DENND5B: variants seen among roughly 807,000 people sequenced by gnomAD.
DENND5B encodes the protein DENN domain containing 5B.
DENND5B carries 34 observed loss-of-function variants against 140.6 expected under a neutral mutation model. That is an observed-to-expected ratio of 0.24 (90% CI 0.18 to 0.32). DENND5B has a LOEUF of 0.32. DENND5B is among the 10% of genes least tolerant of loss of function. The probability of loss-of-function intolerance (pLI) is 1.00; values close to 1 mark genes in which losing one functional copy is unlikely to be tolerated. For missense variants in DENND5B, 1,142 were observed against 1,560.2 expected (o/e 0.73, Z 4.52); for synonymous variants, 551 against 562.1 (o/e 0.98, Z 0.28).
At position 31,572,558 on chromosome 12, in the gene DENND5B, A is replaced by C. The variant is rs1464635757; in HGVS notation, c.127+18148T>G. ...CTTTCTCAAAAAAAAAAAAAAAAAA[A>C]AACTCACGAGTTATTAACACATAGC... On this transcript the variant is annotated intron_variant, in intron 1 of 20. Coordinates refer to ENST00000389082, the MANE Select transcript of DENND5B (RefSeq NM_144973.4). Among the ~76,000 whole-genome samples the C allele has an allele frequency of 2.3e-5, 3 of 131,124 alleles. No individual in the cohort carries two copies. In the East Asian group the frequency reaches 7.1e-4, roughly 31 times the overall value. 86.0% of individuals were successfully genotyped at this position (131,124 alleles called of 152,430 possible). A position where few individuals can be genotyped will look rare whatever the true frequency, so the allele number is the denominator to read the frequency against.
At chr12:31,519,360 A>T (rs1329157685) in intron 1 of DENND5B, among the ~76,000 whole-genome samples, 2 of 152,138 alleles carry the variant, frequency 1.3e-5, no homozygotes, top group African/African-American at 2.4e-5. Flanking sequence ...CAAGAAACAG[A>T]TGTGCATAAT....
intron 1 of DENND5B, among the ~76,000 whole-genome samples, chr12:31,517,919 G>C (rs979073972): frequency 2.0e-4 from 30 of 152,200 alleles, no homozygotes; most frequent in African/African-American, 7.2e-4. Context: ...CCTATAACTT[G>C]TTACCTGCAG....
Position 31,590,750 on chromosome 12 carries a change from C to A in DENND5B, c.83G>T (p.Cys28Phe). The A allele has an allele frequency of 6.8e-7, 1 of 1,468,764 alleles. No homozygotes were observed. Among genetic ancestry groups the A allele is most frequent in the Non-Finnish European group, 9.0e-7 (1 of 1,115,482 alleles). 91.0% of individuals were successfully genotyped at this position (1,468,764 alleles called of 1,614,324 possible). A position where few individuals can be genotyped will look rare whatever the true frequency, so the allele number is the denominator to read the frequency against. The change falls in exon 1 of 21, where the codon TGC (cysteine) becomes TTC (phenylalanine). Residue 28 changes from cysteine to phenylalanine, a missense_variant. Physicochemically the swap from Cys to Phe is radical, Grantham distance 205 (BLOSUM62 -2). Transcript: ENST00000389082. ...CAGCCCGCTGTCCGCGTCGATCCCG[C>A]ACAGCACGAAGTAGTGCGCGAAGCG... is the stretch of plus-strand genomic sequence containing the variant. ...ACRFAHYFVL[C>F]GIDADSGLEP...
intron 1 of DENND5B, among the ~76,000 whole-genome samples, chr12:31,512,983 A>T (rs1190208987): frequency 6.6e-6 from 1 of 152,150 alleles, no homozygotes; most frequent in African/African-American, 2.4e-5. Context: ...TGTGTTCAAG[A>T]ATCTCACCCA....
intron 13 of DENND5B, among the ~76,000 whole-genome samples, chr12:31,411,517 G>C (rs1445028292): frequency 6.6e-6 from 1 of 151,728 alleles, no homozygotes; most frequent in Non-Finnish European, 1.5e-5. Context: ...GCTAATTTTT[G>C]TATTTTTAGT....
chr12:31,390,045 C>A (rs1474925971), intron 19 of DENND5B, among the ~76,000 whole-genome samples: 1 of 151,892 alleles, frequency 6.6e-6, no homozygotes, highest in Admixed American at 6.6e-5. Flanking sequence ...GACAACTTTC[C>A]TTTTTTTGTC....
intron 1 of DENND5B, among the ~76,000 whole-genome samples, chr12:31,528,936 CGACCACCTGAGGTCAGGA>C (rs1417499994): frequency 1.3e-5 from 2 of 151,446 alleles, no homozygotes; most frequent in African/African-American, 4.9e-5. Flanking sequence ...CCGAGGCAGG[CGACCACCTGAGGTCAGGA>C]GTCCAAGAGC....
At chr12:31,440,646 GTCAA>G (rs972818519) in intron 7 of DENND5B, among the ~76,000 whole-genome samples, 23 of 152,260 alleles carry the variant, frequency 1.5e-4, no homozygotes, top group East Asian at 1.9e-4. Flanking sequence ...TAAATGAAAG[GTCAA>G]TCAAACGAAG....
At chr12:31,532,218 T>C (rs1948312673) in intron 1 of DENND5B, among the ~76,000 whole-genome samples, 1 of 152,198 alleles carries the variant, frequency 6.6e-6, no homozygotes, top group South Asian at 2.1e-4. Flanking sequence ...GAGTGACAGA[T>C]GCCTGACCTA....
chr12:31,515,769 ATAGAC>A (rs1164764450), intron 1 of DENND5B, among the ~76,000 whole-genome samples: 2 of 152,244 alleles, frequency 1.3e-5, no homozygotes, highest in South Asian at 4.1e-4. Flanking sequence ...ACTGGTATAA[ATAGAC>A]TACTCAAAAT....
chr12:31,447,670 A>T lies in DENND5B; in HGVS notation c.1729T>A (p.Ser577Thr), dbSNP rs1333172536. The T allele has an allele frequency of 1.2e-6, 2 of 1,613,458 alleles. No individual in the cohort carries two copies. Among genetic ancestry groups the T allele is most frequent in the African/African-American group, 1.3e-5 (1 of 74,900 alleles). The stretch of plus-strand genomic sequence containing the variant: ...AAAGGATCTTTCTCTTCCCACTGAG[A>T]CATAATTTTATTATCAATAAAGGTG... ...FATFIDNKIM[S>T]QWEEKDPLLR... The change falls in exon 6 of 21, where the codon TCT becomes ACT. Residue 577 changes from serine (S) to threonine (T), a missense_variant. Transcript: ENST00000389082.
rs138725038 is a variant in DENND5B, at chr12:31,533,010, T to C, written c.128-37091A>G. Among the ~76,000 whole-genome samples the C allele has an allele frequency of 9.9e-3, 1,506 of 152,322 alleles. 27 individuals are homozygous for C. Among genetic ancestry groups the C allele is most frequent in the African/African-American group, 0.035 (1,440 of 41,560 alleles). Reference sequence around the variant, plus strand: ...TGAGGCTTATTTCATTGACTTGGACTACATCACCTGCAGTTCTTTCCTAAG... The same window carrying C: ...TGAGGCTTATTTCATTGACTTGGACCACATCACCTGCAGTTCTTTCCTAAG... On this transcript the variant is annotated intron_variant, in intron 1 of 20. Coordinates refer to ENST00000389082, the MANE Select transcript of DENND5B (RefSeq NM_144973.4).
intron 1 of DENND5B, among the ~76,000 whole-genome samples, chr12:31,575,731 A>G (rs868002569): frequency 4.6e-5 from 7 of 152,082 alleles, no homozygotes; most frequent in Middle Eastern, 3.4e-3. Flanking sequence ...CCCAGGCAGG[A>G]TAGCTTGAGT....
chr12:31,485,425 C>T (rs1946262694), intron 2 of DENND5B, among the ~76,000 whole-genome samples: 1 of 152,214 alleles, frequency 6.6e-6, no homozygotes, highest in African/African-American at 2.4e-5. Flanking sequence ...CAGGAATAAA[C>T]AAACTTATTT....
intron 8 of DENND5B, 145 bp from the exon 9 acceptor site, chr12:31,426,569 G>T: frequency 1.1e-6 from 1 of 936,784 alleles, no homozygotes; most frequent in Non-Finnish European, 1.5e-6. Context: ...ATGTTTTAGT[G>T]TACTAAAAGA....
At chr12:31,486,590 CTG>C (rs1224909585) in intron 2 of DENND5B, among the ~76,000 whole-genome samples, 1 of 152,212 alleles carries the variant, frequency 6.6e-6, no homozygotes, top group Non-Finnish European at 1.5e-5. Flanking sequence ...AGCTGGGTGA[CTG>C]TGGCAGAAAC....
intron 13 of DENND5B, 129 bp downstream of exon 13, chr12:31,413,307 G>T: frequency 2.6e-6 from 3 of 1,138,878 alleles, no homozygotes; most frequent in Non-Finnish European, 3.6e-6. Context: ...ACGCCTGTTA[G>T]ATAAAGAAGA....
chr12:31,514,518 T>C (rs1352162657), intron 1 of DENND5B, among the ~76,000 whole-genome samples: 4 of 152,174 alleles, frequency 2.6e-5, no homozygotes. Flanking sequence ...ATGAAGGTTA[T>C]TTAATAAAAA....
Position 31,423,621 on chromosome 12 carries a change from G to T in DENND5B, c.2446C>A (p.Gln816Lys), listed in dbSNP as rs1236481915. 6.2e-7 allele frequency: 1 copy of T among 1,613,766 alleles called. No homozygotes were observed. The highest frequency in any genetic ancestry group is 1.3e-5 in the African/African-American group (1 of 74,908). ...LIQFQDREEK[Q>K]EHLAESPVAL... ...CCTGGTGATTCTGCAAGGTGCTCTTGTTTCTCTTCTCTGTCCTGAAATTGA... is the reference window on the plus strand; with the variant it reads ...CCTGGTGATTCTGCAAGGTGCTCTTTTTTCTCTTCTCTGTCCTGAAATTGA... Residue 816 changes from glutamine to lysine, a missense_variant, in exon 11 of 21, where the codon CAA becomes AAA. Physicochemically the swap from Gln to Lys is moderately conservative, Grantham distance 53 (BLOSUM62 1). Transcript: ENST00000389082.
Sources: gnomAD v4.1 joint callset for allele counts (sites outside exome capture counted in the v4.1 genomes callset) on GRCh38, gnomAD v4.1.1 for gene constraint, MANE v1.5 for transcripts, NCBI Gene and HGNC (gene_info 2026-07-23, HGNC 2026-07-21) for gene names.